The following TUBB4A variants were observed in gnomAD, a reference collection of about 807,000 sequenced individuals.
TUBB4A encodes tubulin beta-4A chain.
In TUBB4A, 13 loss-of-function variants were observed where a neutral mutation model predicts 35.1. That is an observed-to-expected ratio of 0.37 (90% CI 0.24 to 0.59). The LOEUF (loss-of-function observed/expected upper bound fraction) is 0.59. Ranked by LOEUF, TUBB4A falls within the 20% of genes least tolerant of loss-of-function variation. TUBB4A has a pLI of 0.71. For synonymous variants in TUBB4A, 279 were observed against 272.4 expected (o/e 1.02, Z -0.24); for missense variants, 299 against 647.2 (o/e 0.46, Z 5.84).
At chr19:6,497,190 AGACAGAGCAAGAC>A (rs1219452486) in intron 3 of TUBB4A, among the ~76,000 whole-genome samples, 3 of 148,736 alleles carry the variant, frequency 2.0e-5, no homozygotes, top group African/African-American at 7.4e-5. Flanking sequence ...GCAGCCTGGG[AGACAGAGCAAGAC>A]CCTGTCTCTA....
In TUBB4A at chr19:6,501,409, CAGAT is replaced by C. The variant is rs761309419; in HGVS notation, c.167-16_167-13del. On this transcript the variant is annotated splice_polypyrimidine_tract_variant and intron_variant, in intron 2 of 3. Transcript: ENST00000264071. The surrounding 1 kb of genome is among the most constrained non-coding windows in gnomAD (Gnocchi z 4.2). ...GACATAATTTCCTCCTGCAGGGAAA[CAGAT>C]GGAGGGCAGTTCGATGCGTGCCAGG... 3.0e-5 allele frequency: 48 copies of C among 1,612,170 alleles called. No individual in the cohort carries two copies. Among genetic ancestry groups the C allele is most frequent in the Non-Finnish European group, 3.9e-5 (46 of 1,178,744 alleles).
In TUBB4A at chr19:6,496,208, G is replaced by C; in HGVS notation, c.291C>G (p.Ala97=). ...PDNFVFGQSG[A]GNNWAKGHYT... Reference sequence around the variant, plus strand: ...AGTGCCCCTTTGCCCAGTTGTTGCCGGCTCCGGATTGGCCTAGAGAGGGAA... The same window carrying C: ...AGTGCCCCTTTGCCCAGTTGTTGCCCGCTCCGGATTGGCCTAGAGAGGGAA... Residue 97 remains alanine, a synonymous_variant, in exon 4 of 4, where the codon GCC becomes GCG. Transcript: ENST00000264071. The C allele has an allele frequency of 6.2e-7, 1 of 1,610,916 alleles. No individual in the cohort carries two copies. The highest frequency in any genetic ancestry group is 1.1e-5 in the South Asian group (1 of 90,862).
chr19:6,495,135 G>C lies in TUBB4A; in HGVS notation c.*29C>G. 2 of 1,610,342 alleles carry C rather than the reference G, an allele frequency of 1.2e-6. No individual in the cohort carries two copies. The highest frequency in any genetic ancestry group is 8.5e-7 in the Non-Finnish European group (1 of 1,177,368). ...GCGGATCAAAGGTCAGAAGCCTCGA[G>C]GGGACAGGTGGGAAGCGATGGGAGC... On this transcript the variant is annotated 3_prime_UTR_variant, in exon 4 of 4. Transcript: ENST00000264071. The surrounding 1 kb of genome is among the most constrained non-coding windows in gnomAD (Gnocchi z 8.7).
In TUBB4A at chr19:6,494,671, G is replaced by C. The variant is rs111966371; in HGVS notation, c.*493C>G. On this transcript the variant is annotated 3_prime_UTR_variant, in exon 4 of 4. Coordinates refer to ENST00000264071, the MANE Select transcript of TUBB4A (RefSeq NM_006087.4). ...TGAAAGAGAAGTTGGAGTCAGAGGG[G>C]ATTCAGAGATCAAAGAGAAGTTGGG... 2.9e-3 allele frequency: 533 copies of C among 183,160 alleles called. 4 individuals are homozygous for C. The highest frequency in any genetic ancestry group is 0.012 in the African/African-American group (494 of 40,938). 11.3% of individuals were successfully genotyped at this position (183,160 alleles called of 1,614,324 possible). A position where few individuals can be genotyped will look rare whatever the true frequency, so the allele number is the denominator to read the frequency against.
Position 6,494,963 on chromosome 19 carries a change from T to A in TUBB4A, c.*201A>T, listed in dbSNP as rs1914050435. ...TCAAGGTTGGAAGAGCTCAAGGGGG[T>A]TAAAGATAAATTAGGGCTCAAAGGG... On this transcript the variant is annotated 3_prime_UTR_variant, in exon 4 of 4. Coordinates refer to ENST00000264071, the MANE Select transcript of TUBB4A (RefSeq NM_006087.4). 7 of 645,826 alleles carry A rather than the reference T, an allele frequency of 1.1e-5. No homozygotes were observed. The highest frequency in any genetic ancestry group is 1.8e-5 in the Non-Finnish European group (7 of 381,506). The allele number at this position is 645,826 out of a possible 1,614,324, so 40.0% of individuals were successfully genotyped here.
rs774757859 is a variant in TUBB4A, at chr19:6,495,360, C to T, written c.1139G>A (p.Arg380His). 2 of 1,613,778 alleles carry T rather than the reference C, an allele frequency of 1.2e-6. No homozygotes were observed. Among genetic ancestry groups the T allele is most frequent in the African/African-American group, 1.3e-5 (1 of 75,044 alleles). Residue 380 changes from arginine to histidine, a missense_variant, in exon 4 of 4, where the codon CGC becomes CAC. Arg to His is a conservative substitution (Grantham distance 29). This residue lies in a region of TUBB4A where 125 missense variants were observed against 279.1 expected (regional missense o/e 0.45). Coordinates refer to ENST00000264071, the MANE Select transcript of TUBB4A (RefSeq NM_006087.4). This position sits in a 1 kb window ranked among gnomAD's most constrained non-coding sequence, Gnocchi z 8.7. ...NSTAIQELFK[R>H]ISEQFTAMFR... ...CATGGCCGTGAACTGCTCGGAGATGCGCTTGAACAGCTCCTGGATGGCCGT... is the reference window on the plus strand; with the variant it reads ...CATGGCCGTGAACTGCTCGGAGATGTGCTTGAACAGCTCCTGGATGGCCGT...
At chr19:6,500,297 T>A (rs1403591835) in intron 3 of TUBB4A, among the ~76,000 whole-genome samples, 1 of 151,032 alleles carries the variant, frequency 6.6e-6, no homozygotes, top group Admixed American at 6.6e-5. Context: ...CTCAGCTAAT[T>A]AAAATTTTTT....
At position 6,494,963 on chromosome 19, in the gene TUBB4A, T is replaced by G; in HGVS notation, c.*201A>C. On this transcript the variant is annotated 3_prime_UTR_variant, in exon 4 of 4. Transcript: ENST00000264071. The stretch of plus-strand genomic sequence containing the variant: ...TCAAGGTTGGAAGAGCTCAAGGGGG[T>G]TAAAGATAAATTAGGGCTCAAAGGG... The G allele has an allele frequency of 1.5e-6, 1 of 645,942 alleles. No individual in the cohort carries two copies. Among genetic ancestry groups the G allele is most frequent in the Non-Finnish European group, 2.6e-6 (1 of 381,498 alleles). 40.0% of individuals were successfully genotyped at this position (645,942 alleles called of 1,614,324 possible).
chr19:6,502,308 A>G lies in TUBB4A; in HGVS notation c.-96T>C. ...GAAGATGCGGCGGAGACGGCGGAGC[A>G]CGGTCCCTGCGCCCCCGGGAGCCGC... On this transcript the variant is annotated 5_prime_UTR_variant, in exon 1 of 4. Coordinates refer to ENST00000264071, the MANE Select transcript of TUBB4A (RefSeq NM_006087.4). The G allele has an allele frequency of 7.3e-7, 1 of 1,360,776 alleles. No individual in the cohort carries two copies. Among genetic ancestry groups the G allele is most frequent in the Non-Finnish European group, 9.6e-7 (1 of 1,043,278 alleles). 84.3% of individuals were successfully genotyped at this position (1,360,776 alleles called of 1,614,324 possible).
chr19:6,501,675 G>A lies in TUBB4A; in HGVS notation c.58-52C>T. 6.7e-7 allele frequency: 1 copy of A among 1,491,998 alleles called. No individual in the cohort carries two copies. Among genetic ancestry groups the A allele is most frequent in the Non-Finnish European group, 9.3e-7 (1 of 1,080,022 alleles). 92.4% of individuals were successfully genotyped at this position (1,491,998 alleles called of 1,614,324 possible). A position where few individuals can be genotyped will look rare whatever the true frequency, so the allele number is the denominator to read the frequency against. On this transcript the variant is annotated intron_variant, in intron 1 of 3. Coordinates refer to ENST00000264071, the MANE Select transcript of TUBB4A (RefSeq NM_006087.4). The surrounding 1 kb of genome is among the most constrained non-coding windows in gnomAD (Gnocchi z 4.2). ...TGAGAGAGGGGAAGCCGGTGGCCAA[G>A]CCGAGGACTGCCCCCAGCCCCCAAC... is the stretch of plus-strand genomic sequence containing the variant.
chr19:6,496,632 A>AAATAAT (rs143972720), intron 3 of TUBB4A, among the ~76,000 whole-genome samples: 51,680 of 143,160 alleles, frequency 0.36, 10,495 homozygotes, highest in Non-Finnish European at 0.44. Flanking sequence ...CTCCGTCTCA[A>AAATAAT]AATAATAATA....
chr19:6,495,328 G>A lies in TUBB4A; in HGVS notation c.1171C>T (p.Arg391Cys). 1 of 1,613,722 alleles carries A rather than the reference G, an allele frequency of 6.2e-7. No homozygotes were observed. The highest frequency in any genetic ancestry group is 8.5e-7 in the Non-Finnish European group (1 of 1,179,922). ...GTGTACCAGTGCAAGAAGGCCTTGC[G>A]CCGGAACATGGCCGTGAACTGCTCG... ...ISEQFTAMFR[R>C]KAFLHWYTGE... Residue 391 changes from arginine (R) to cysteine (C), a missense_variant, in exon 4 of 4, where the codon CGC becomes TGC. By Grantham distance (180) the Arg-to-Cys change is radical (BLOSUM62 -3). Transcript: ENST00000264071. This position sits in a 1 kb window ranked among gnomAD's most constrained non-coding sequence, Gnocchi z 8.7.
At position 6,497,986 on chromosome 19, in the gene TUBB4A, C is replaced by T. The variant is rs148526639; in HGVS notation, c.278-1765G>A. Among the ~76,000 whole-genome samples, 596 of 150,238 alleles carry T rather than the reference C, an allele frequency of 4.0e-3. 2 individuals carry two copies. Among genetic ancestry groups the T allele is most frequent in the African/African-American group, 0.014 (558 of 40,852 alleles). On this transcript the variant is annotated intron_variant, in intron 3 of 3. Coordinates refer to ENST00000264071, the MANE Select transcript of TUBB4A (RefSeq NM_006087.4). ...CAGCACTTTGGGAGGCCGAGGCGGGCGGATAGCGAGGTCAGGAGATCAAGA... is the reference window on the plus strand; with the variant it reads ...CAGCACTTTGGGAGGCCGAGGCGGGTGGATAGCGAGGTCAGGAGATCAAGA...
chr19:6,500,322 C>G (rs563501119), intron 3 of TUBB4A, among the ~76,000 whole-genome samples: 1 of 152,062 alleles, frequency 6.6e-6, no homozygotes, highest in African/African-American at 2.4e-5. Context: ...TTTGTAGAGA[C>G]AGGGTCTCAC....
In TUBB4A at chr19:6,495,060, T is replaced by C. The variant is rs559851269; in HGVS notation, c.*104A>G. ...AGGTATTGTTAGGGTCAGCGGGGAGTCAGCCTTGGAGGGAAAGCGGGGCTC... is the reference window on the plus strand; with the variant it reads ...AGGTATTGTTAGGGTCAGCGGGGAGCCAGCCTTGGAGGGAAAGCGGGGCTC... On this transcript the variant is annotated 3_prime_UTR_variant, in exon 4 of 4. Transcript: ENST00000264071. This position sits in a 1 kb window ranked among gnomAD's most constrained non-coding sequence, Gnocchi z 8.7. The C allele has an allele frequency of 6.3e-5, 87 of 1,385,802 alleles. No homozygotes were observed. In the African/African-American group the frequency reaches 1.2e-3, roughly 19 times the overall value. The allele number at this position is 1,385,802 out of a possible 1,614,324, so 85.8% of individuals were successfully genotyped here. A position where few individuals can be genotyped will look rare whatever the true frequency, so the allele number is the denominator to read the frequency against.
In TUBB4A at chr19:6,501,754, C is replaced by A; in HGVS notation, c.58-131G>T. The A allele has an allele frequency of 1.4e-6, 1 of 730,826 alleles. No homozygotes were observed. The highest frequency in any genetic ancestry group is 2.6e-5 in the Admixed American group (1 of 38,626). The allele number at this position is 730,826 out of a possible 1,614,324, so 45.3% of individuals were successfully genotyped here. ...GCAAGGTGAACGGGGGACCTAGAGG[C>A]ATGGTGTCGGGGCGAGGATGAGGCA... On this transcript the variant is annotated intron_variant, in intron 1 of 3. Transcript: ENST00000264071. This position sits in a 1 kb window ranked among gnomAD's most constrained non-coding sequence, Gnocchi z 4.2.
Position 6,494,694 on chromosome 19 carries a change from G to C in TUBB4A, c.*470C>G, listed in dbSNP as rs1332290066. 1 of 190,216 alleles carries C rather than the reference G, an allele frequency of 5.3e-6. No homozygotes were observed. The highest frequency in any genetic ancestry group is 2.4e-5 in the African/African-American group (1 of 42,266). 11.8% of individuals were successfully genotyped at this position (190,216 alleles called of 1,614,324 possible). A position where few individuals can be genotyped will look rare whatever the true frequency, so the allele number is the denominator to read the frequency against. On this transcript the variant is annotated 3_prime_UTR_variant, in exon 4 of 4. Transcript: ENST00000264071. ...GGGATTCAGAGATCAAAGAGAAGTTGGGGTCAGAGGTAGGAGCTGGGGCTC... is the reference window on the plus strand; with the variant it reads ...GGGATTCAGAGATCAAAGAGAAGTTCGGGTCAGAGGTAGGAGCTGGGGCTC...
In TUBB4A at chr19:6,501,686, C is replaced by T. The variant is rs543844084; in HGVS notation, c.58-63G>A. 332 of 1,372,248 alleles carry T rather than the reference C, an allele frequency of 2.4e-4. 2 individuals carry two copies. In the African/African-American group the frequency reaches 4.1e-3, roughly 17 times the overall value. The allele number at this position is 1,372,248 out of a possible 1,614,324, so 85.0% of individuals were successfully genotyped here. ...AAGCCGGTGGCCAAGCCGAGGACTGCCCCCAGCCCCCAACTAGCTCCCTAG... is the reference window on the plus strand; with the variant it reads ...AAGCCGGTGGCCAAGCCGAGGACTGTCCCCAGCCCCCAACTAGCTCCCTAG... On this transcript the variant is annotated intron_variant, in intron 1 of 3. Coordinates refer to ENST00000264071, the MANE Select transcript of TUBB4A (RefSeq NM_006087.4). This position sits in a 1 kb window ranked among gnomAD's most constrained non-coding sequence, Gnocchi z 4.2.
intron 3 of TUBB4A, among the ~76,000 whole-genome samples, chr19:6,498,282 A>AC (rs1332200470): frequency 3.3e-5 from 5 of 151,406 alleles, no homozygotes; most frequent in Non-Finnish European, 5.9e-5. Flanking sequence ...GTTTTCTTTC[A>AC]CCCCTCATCT....
Sources: allele counts gnomAD v4.1 joint callset (sites outside exome capture counted in the v4.1 genomes callset), GRCh38; gene constraint gnomAD v4.1.1; regional missense constraint gnomAD v4.1.1; non-coding constraint Gnocchi (gnomAD v3.1); transcripts MANE v1.5; gene names NCBI Gene and HGNC (gene_info 2026-07-23, HGNC 2026-07-21).